The following RAB38 variants were observed in gnomAD, a reference collection of about 807,000 sequenced individuals.
The protein encoded by RAB38 is RAB38, member RAS oncogene family, also known as ras-related protein Rab-38.
Under a neutral mutation model 18.4 loss-of-function variants are expected in RAB38, and 15 were observed. The observed-to-expected ratio is 0.82, with a 90% CI of 0.55 to 1.26. RAB38 has a LOEUF of 1.26. RAB38 is among the 50% of genes most tolerant of loss of function. The probability of loss-of-function intolerance (pLI) is 0.00; values close to 1 mark genes in which losing one functional copy is unlikely to be tolerated. For missense variants in RAB38, 294 were observed against 267.4 expected, an observed-to-expected ratio of 1.10 and a Z score of -0.69; for synonymous variants, 101 against 104.4, an observed-to-expected ratio of 0.97 and a Z score of 0.20.
chr11:88,124,723 G>C (rs1490041498), intron 2 of RAB38, among the ~76,000 whole-genome samples: 1 of 152,076 alleles, frequency 6.6e-6, no homozygotes, highest in Non-Finnish European at 1.5e-5. Flanking sequence ...TCTACTTTCA[G>C]ATATGGAATA....
chr11:88,146,306 T>A (rs1442349241), intron 2 of RAB38, among the ~76,000 whole-genome samples: 1 of 152,190 alleles, frequency 6.6e-6, no homozygotes, highest in Non-Finnish European at 1.5e-5. Flanking sequence ...TGATGATACC[T>A]GAAGGATTTC....
chr11:87,948,368 C>A, the RAB38 span, among the ~76,000 whole-genome samples: 1 of 152,108 alleles, frequency 6.6e-6, no homozygotes, highest in African/African-American at 2.4e-5. Flanking sequence ...TCCTCTTTTC[C>A]TAACTGAATA....
the RAB38 span, among the ~76,000 whole-genome samples, chr11:87,977,887 T>G: frequency 7.1e-5 from 8 of 112,276 alleles, no homozygotes; most frequent in African/African-American, 2.8e-4. Flanking sequence ...AAAGATGTAG[T>G]CATAGATTTA....
chr11:87,956,848 C>A, the RAB38 span, among the ~76,000 whole-genome samples: 9 of 151,948 alleles, frequency 5.9e-5, no homozygotes, highest in Non-Finnish European at 8.8e-5. Flanking sequence ...GAATTTGAAC[C>A]TTTCAGGGCC....
At chr11:87,894,269 C>T in the RAB38 span, among the ~76,000 whole-genome samples, 2 of 151,594 alleles carry the variant, frequency 1.3e-5, no homozygotes, top group African/African-American at 4.8e-5. Context: ...AATTGAGAGG[C>T]AAGGTATGAG....
At chr11:87,910,633 C>CTTTTTTTTTTTTTTTTTTTTTTTTTTTT in the RAB38 span, among the ~76,000 whole-genome samples, 1 of 131,104 alleles carries the variant, frequency 7.6e-6, no homozygotes, top group African/African-American at 3.4e-5. Flanking sequence ...AGTTCATTTT[C>CTTTTTTTTTTTTTTTTTTTTTTTTTTTT]TTTTTTTTTT....
At chr11:88,017,805 G>A in the RAB38 span, among the ~76,000 whole-genome samples, 6 of 150,938 alleles carry the variant, frequency 4.0e-5, no homozygotes, top group East Asian at 9.7e-4. Context: ...AGACTGATAT[G>A]GTTTGGCTAT....
intron 1 of RAB38, among the ~76,000 whole-genome samples, chr11:88,161,316 C>A (rs1943187565): frequency 6.6e-6 from 1 of 152,000 alleles, no homozygotes; most frequent in East Asian, 1.9e-4. Flanking sequence ...ATCTCTACTC[C>A]CACTCTGTTC....
the RAB38 span, among the ~76,000 whole-genome samples, chr11:87,860,814 A>G: frequency 6.6e-6 from 1 of 151,900 alleles, no homozygotes; most frequent in East Asian, 1.9e-4. Flanking sequence ...TACAAGTCAG[A>G]GCTGTTTCCA....
chr11:87,850,002 CTAA>C, the RAB38 span, among the ~76,000 whole-genome samples: 10,287 of 151,748 alleles, frequency 0.068, 506 homozygotes, highest in Admixed American at 0.14. Context: ...TTCTGTTAGC[CTAA>C]TAATAATAAT....
chr11:88,139,725 T>C (rs1942882430), intron 2 of RAB38, among the ~76,000 whole-genome samples: 1 of 152,228 alleles, frequency 6.6e-6, no homozygotes, highest in African/African-American at 2.4e-5. Flanking sequence ...TCTAGACTTC[T>C]CTGAGAATAG....
chr11:88,078,750 G>A, the RAB38 span, among the ~76,000 whole-genome samples: 1 of 151,782 alleles, frequency 6.6e-6, no homozygotes, highest in Non-Finnish European at 1.5e-5. Flanking sequence ...GTTATGAAGA[G>A]AGATTGCAAT....
chr11:87,957,791 GA>G, the RAB38 span, among the ~76,000 whole-genome samples: 1 of 152,050 alleles, frequency 6.6e-6, no homozygotes, highest in Admixed American at 6.6e-5. Context: ...GGAGCGTGGG[GA>G]AAGGAAGAAG....
the RAB38 span, among the ~76,000 whole-genome samples, chr11:87,846,570 T>C: frequency 6.6e-6 from 1 of 151,206 alleles, no homozygotes; most frequent in East Asian, 1.9e-4. Context: ...ATAAAAAATG[T>C]ACAGAATTAA....
intron 2 of RAB38, among the ~76,000 whole-genome samples, chr11:88,121,720 G>A (rs757970776): frequency 2.1e-4 from 32 of 152,114 alleles, no homozygotes; most frequent in Non-Finnish European, 4.1e-4. Context: ...CCGCCGCCAC[G>A]CCCAGCTAAT....
intron 2 of RAB38, among the ~76,000 whole-genome samples, chr11:88,128,559 T>A (rs1355169824): frequency 1.3e-5 from 2 of 152,216 alleles, no homozygotes; most frequent in Non-Finnish European, 2.9e-5. Context: ...CCAGGAACTT[T>A]AGAAAATAAA....
At chr11:88,084,496 G>A in the RAB38 span, among the ~76,000 whole-genome samples, 10 of 151,724 alleles carry the variant, frequency 6.6e-5, no homozygotes, top group African/African-American at 2.2e-4. Flanking sequence ...TTCAGAGATC[G>A]ATCAGAAAAT....
chr11:88,045,750 CT>C, the RAB38 span, among the ~76,000 whole-genome samples: 1 of 152,218 alleles, frequency 6.6e-6, no homozygotes, highest in Non-Finnish European at 1.5e-5. Context: ...CCGTCCCCTT[CT>C]TAATCAATAC....
chr11:88,175,077 G>C, intron 1 of RAB38, 106 bp downstream of exon 1: 1 of 1,300,898 alleles, frequency 7.7e-7, no homozygotes, highest in Non-Finnish European at 1.0e-6. Flanking sequence ...AAACTGCCTC[G>C]CGACCTAGTG....
Sources: allele counts gnomAD v4.1 joint callset (sites outside exome capture counted in the v4.1 genomes callset), GRCh38; gene constraint gnomAD v4.1.1; transcripts MANE v1.5; gene names NCBI Gene and HGNC (gene_info 2026-07-23, HGNC 2026-07-21).